Variants in TDRP observed in about 807,000 individuals in gnomAD.
TDRP encodes the protein testis development related protein.
Under a neutral mutation model 10.5 loss-of-function variants are expected in TDRP, and 12 were observed. That is an observed-to-expected ratio of 1.15 (90% confidence interval 0.73 to 1.86). The LOEUF is 1.86. TDRP is among the 40% of genes most tolerant of loss of function. The pLI, the probability that TDRP is intolerant of heterozygous loss-of-function variation, is 0.00. For synonymous variants in TDRP, 139 were observed against 95.4 expected (o/e 1.46, Z -2.67); for missense variants, 353 against 229.2 (o/e 1.54, Z -3.49).
chr8:523,080 G>A (rs1041904729), intron 1 of TDRP, among the ~76,000 whole-genome samples: 38 of 152,092 alleles, frequency 2.5e-4, no homozygotes, highest in African/African-American at 8.2e-4. Flanking sequence ...TTTAAGTCTT[G>A]TAGTAATTTT....
intron 1 of TDRP, among the ~76,000 whole-genome samples, chr8:501,766 T>C (rs371604080): frequency 6.6e-6 from 1 of 152,216 alleles, no homozygotes; most frequent in South Asian, 2.1e-4. Context: ...AGGGTGACCA[T>C]GTGCAGGGCC....
At chr8:540,459 A>G (rs1802463161) in intron 1 of TDRP, among the ~76,000 whole-genome samples, 1 of 152,248 alleles carries the variant, frequency 6.6e-6, no homozygotes, top group South Asian at 2.1e-4. Context: ...GTTTCCCATT[A>G]GAAACTTTGA....
chr8:541,773 G>A (rs549346046), intron 1 of TDRP, among the ~76,000 whole-genome samples: 55 of 152,296 alleles, frequency 3.6e-4, no homozygotes, highest in African/African-American at 1.2e-3. Flanking sequence ...GCAAGGAGGT[G>A]GAGCAAAAGG....
chr8:497,392 T>C (rs1421200193), intron 1 of TDRP, among the ~76,000 whole-genome samples: 1 of 152,196 alleles, frequency 6.6e-6, no homozygotes, highest in African/African-American at 2.4e-5. Flanking sequence ...AAGAGATATG[T>C]GGAACCTTGA....
At chr8:501,118 T>A (rs908590060) in intron 1 of TDRP, among the ~76,000 whole-genome samples, 2 of 151,640 alleles carry the variant, frequency 1.3e-5, no homozygotes, top group African/African-American at 4.8e-5. Flanking sequence ...GGCAGGAGAA[T>A]GGCGTGAACC....
chr8:492,157 A>G lies in TDRP; in HGVS notation c.*242T>C. The G allele has an allele frequency of 4.0e-6, 5 of 1,252,894 alleles. No individual in the cohort carries two copies. The highest frequency in any genetic ancestry group is 5.0e-6 in the Non-Finnish European group (5 of 1,001,020). 77.6% of individuals were successfully genotyped at this position (1,252,894 alleles called of 1,614,324 possible). A position where few individuals can be genotyped will look rare whatever the true frequency, so the allele number is the denominator to read the frequency against. On this transcript the variant is annotated 3_prime_UTR_variant, in exon 3 of 3. Transcript: ENST00000324079. ...TAAATTCACATCTCCAGTTTCTGCA[A>G]AACATGGACTGATAGGTGAATATTT...
chr8:491,699 T>C lies in TDRP; in HGVS notation c.*700A>G, dbSNP rs1047158097. 2.7e-6 allele frequency: 4 copies of C among 1,492,962 alleles called. No individual in the cohort carries two copies. The African/African-American group carries it at 5.7e-5, about 21-fold the overall frequency. 92.5% of individuals were successfully genotyped at this position (1,492,962 alleles called of 1,614,324 possible). A position where few individuals can be genotyped will look rare whatever the true frequency, so the allele number is the denominator to read the frequency against. ...TAAACAAAAAAGAGAGCAAATGTTTTAAGAAAATAAAGGGACCGATTTAGA... is the reference window on the plus strand; with the variant it reads ...TAAACAAAAAAGAGAGCAAATGTTTCAAGAAAATAAAGGGACCGATTTAGA... On this transcript the variant is annotated 3_prime_UTR_variant, in exon 3 of 3. Coordinates refer to ENST00000324079, the MANE Select transcript of TDRP (RefSeq NM_001384899.1).
intron 1 of TDRP, among the ~76,000 whole-genome samples, chr8:535,257 A>G (rs1026885464): frequency 6.6e-6 from 1 of 152,082 alleles, no homozygotes; most frequent in Non-Finnish European, 1.5e-5. Context: ...AGTCTTTGGG[A>G]GCAGCTGCAC....
intron 1 of TDRP, among the ~76,000 whole-genome samples, chr8:521,025 T>C (rs1483182311): frequency 6.6e-6 from 1 of 152,118 alleles, no homozygotes; most frequent in Non-Finnish European, 1.5e-5. Flanking sequence ...CCCTGAACCT[T>C]TTCTCCCGTT....
intron 1 of TDRP, among the ~76,000 whole-genome samples, chr8:515,881 C>T (rs62484422): frequency 0.028 from 4,301 of 151,836 alleles, 100 homozygotes; most frequent in East Asian, 0.098. Context: ...CATCAAAGAA[C>T]GATTAGACCT....
chr8:518,443 A>T (rs1260948607), intron 1 of TDRP, among the ~76,000 whole-genome samples: 2 of 152,246 alleles, frequency 1.3e-5, no homozygotes, highest in Non-Finnish European at 2.9e-5. Flanking sequence ...AGACAACTGT[A>T]GAAATGGAAT....
At chr8:521,255 A>AAG (rs1211132363) in intron 1 of TDRP, among the ~76,000 whole-genome samples, 1 of 149,588 alleles carries the variant, frequency 6.7e-6, no homozygotes, top group Non-Finnish European at 1.5e-5. Flanking sequence ...CCAAAAAAAA[A>AAG]AAAAAAAAAA....
intron 1 of TDRP, among the ~76,000 whole-genome samples, chr8:504,367 C>G (rs1014362899): frequency 4.6e-5 from 7 of 152,098 alleles, no homozygotes; most frequent in African/African-American, 1.7e-4. Flanking sequence ...TGAGTTTTAA[C>G]CTGGGGGTGC....
At chr8:519,851 G>C (rs768686400) in intron 1 of TDRP, among the ~76,000 whole-genome samples, 1 of 152,194 alleles carries the variant, frequency 6.6e-6, no homozygotes, top group Non-Finnish European at 1.5e-5. Flanking sequence ...GTTCCACCTG[G>C]TGAAGGGGCT....
intron 1 of TDRP, among the ~76,000 whole-genome samples, chr8:522,875 T>C (rs1382926850): frequency 2.0e-5 from 3 of 152,212 alleles, no homozygotes; most frequent in Non-Finnish European, 2.9e-5. Flanking sequence ...ATCTCTTGCA[T>C]GGAATCTTTT....
chr8:512,218 C>A (rs1178308394), intron 1 of TDRP, among the ~76,000 whole-genome samples: 1 of 151,598 alleles, frequency 6.6e-6, no homozygotes, highest in South Asian at 2.1e-4. Flanking sequence ...GAGGTGGAGA[C>A]TGAGACCATC....
intron 1 of TDRP, among the ~76,000 whole-genome samples, chr8:529,221 A>G (rs1203484706): frequency 1.3e-5 from 2 of 152,200 alleles, no homozygotes; most frequent in Admixed American, 6.5e-5. Context: ...TGCATCCTTC[A>G]ATCCAATCAA....
chr8:519,424 G>A (rs928752909), intron 1 of TDRP, among the ~76,000 whole-genome samples: 1 of 152,092 alleles, frequency 6.6e-6, no homozygotes, highest in Non-Finnish European at 1.5e-5. Context: ...AGAAGCAAGG[G>A]TAGCATGGAT....
At chr8:514,400 C>T (rs1801698056) in intron 1 of TDRP, among the ~76,000 whole-genome samples, 1 of 152,146 alleles carries the variant, frequency 6.6e-6, no homozygotes, top group Non-Finnish European at 1.5e-5. Flanking sequence ...ACTGGAAAGC[C>T]ACATGTAAGA....
Sources: allele counts gnomAD v4.1 joint callset (sites outside exome capture counted in the v4.1 genomes callset), GRCh38; gene constraint gnomAD v4.1.1; transcripts MANE v1.5; gene names NCBI Gene and HGNC (gene_info 2026-07-23, HGNC 2026-07-21).